The following VWA5B1 variants were observed in gnomAD, a reference collection of about 807,000 sequenced individuals.
VWA5B1 encodes von Willebrand factor A domain-containing protein 5B1.
In VWA5B1, 115 loss-of-function variants were observed where a neutral mutation model predicts 118.2. The observed-to-expected ratio is 0.97, with a 90% CI of 0.84 to 1.14. The LOEUF is 1.14. Ranked by LOEUF, VWA5B1 falls within the 50% of genes most tolerant of loss-of-function variation. VWA5B1 has a pLI of 0.00. For synonymous variants in VWA5B1, 682 were observed against 658.4 expected (o/e 1.04, Z -0.55); for missense variants, 1,596 against 1,603.8 (o/e 1.00, Z 0.08).
intron 12 of VWA5B1, among the ~76,000 whole-genome samples, chr1:20,334,279 C>T (rs2089652807): frequency 6.6e-6 from 1 of 152,188 alleles, no homozygotes; most frequent in Non-Finnish European, 1.5e-5. Context: ...AAACAAAATG[C>T]TGGCCAAGTC....
intron 8 of VWA5B1, among the ~76,000 whole-genome samples, chr1:20,327,280 C>T (rs959653439): frequency 3.3e-5 from 5 of 152,162 alleles, no homozygotes; most frequent in South Asian, 2.1e-4. Context: ...GGGATAAAAG[C>T]GTACCTGCCT....
chr1:20,310,711 A>G lies in VWA5B1; in HGVS notation c.110A>G (p.Tyr37Cys), dbSNP rs575455574. 7.1e-6 allele frequency: 11 copies of G among 1,550,016 alleles called. No individual in the cohort carries two copies. In the East Asian group the frequency reaches 1.5e-4, roughly 21 times the overall value. ...CTGGGCCTAACTGCCTCCCTCACCT[A>G]TGGCAACCTGGAAGCCCAGCCCTTC... is the stretch of plus-strand genomic sequence containing the variant. ...YALGLTASLT[Y>C]GNLEAQPFQG... The change falls in exon 2 of 22, where the codon TAT (tyrosine) becomes TGT (cysteine). Residue 37 changes from tyrosine (Y) to cysteine (C), a missense_variant. By Grantham distance (194) the Tyr-to-Cys change is radical (BLOSUM62 -2). Transcript: ENST00000289815.
Position 20,330,649 on chromosome 1 carries a change from C to T in VWA5B1, c.1458-220C>T, listed in dbSNP as rs72982064. ...CCACAGCCAAGGGAGAGGCTGCTCC[C>T]GCTCTGTGCTGGGTGGGAATTAATG... On this transcript the variant is annotated intron_variant, in intron 10 of 21. Coordinates refer to ENST00000289815, the MANE Select transcript of VWA5B1 (RefSeq NM_001039500.3). Among the ~76,000 whole-genome samples the T allele has an allele frequency of 4.0e-3, 602 of 152,326 alleles. 2 individuals carry two copies. The highest frequency in any genetic ancestry group is 6.1e-3 in the African/African-American group (252 of 41,580).
At chr1:20,322,167 C>T (rs12028237) in intron 7 of VWA5B1, among the ~76,000 whole-genome samples, 20,980 of 152,040 alleles carry the variant, frequency 0.14, 1,912 homozygotes, top group East Asian at 0.52. Flanking sequence ...GGATGGAATG[C>T]GTGGAGTGAG....
Position 20,330,281 on chromosome 1 carries a change from G to GCAC in VWA5B1, c.1358_1360dup (p.His453dup), listed in dbSNP as rs1557855388. 4 of 1,551,818 alleles carry GCAC rather than the reference G, an allele frequency of 2.6e-6. No homozygotes were observed. In the Admixed American group the frequency reaches 5.9e-5, roughly 23 times the overall value. ...TCAAGTGGGTCATCAGGCAGCCAGTGCACCGAGGCCACCCGCGGCTCCTCT... is the reference window on the plus strand; with the variant it reads ...TCAAGTGGGTCATCAGGCAGCCAGTGCACCACCGAGGCCACCCGCGGCTCCTCT... On this transcript the variant is annotated inframe_insertion, in exon 10 of 22. Coordinates refer to ENST00000289815, the MANE Select transcript of VWA5B1 (RefSeq NM_001039500.3).
chr1:20,314,680 G>A (rs769422951), intron 4 of VWA5B1, 88 bp downstream of exon 4: 656 of 1,487,342 alleles, frequency 4.4e-4, no homozygotes, highest in Non-Finnish European at 5.6e-4. Context: ...AGGGTGGGGG[G>A]AGACAGGGAG....
chr1:20,316,546 A>G (rs567806189), intron 4 of VWA5B1, among the ~76,000 whole-genome samples: 168 of 152,254 alleles, frequency 1.1e-3, no homozygotes, highest in Non-Finnish European at 2.0e-3. Context: ...TTTTACAAGG[A>G]TGTGTGCATA....
At chr1:20,330,749 T>C (rs2089526754) in intron 10 of VWA5B1, 120 bp from the exon 11 acceptor site, 1 of 1,006,090 alleles carries the variant, frequency 9.9e-7, no homozygotes, top group Admixed American at 2.0e-5. Context: ...CCTCTCCCTC[T>C]ACCTGAATAT....
intron 4 of VWA5B1, among the ~76,000 whole-genome samples, chr1:20,316,131 A>T (rs540000100): frequency 6.2e-4 from 94 of 152,356 alleles, no homozygotes; most frequent in Non-Finnish European, 1.1e-3. Context: ...TTCAAAAACC[A>T]GATGATGCCA....
intron 4 of VWA5B1, among the ~76,000 whole-genome samples, chr1:20,316,349 A>T (rs987849831): frequency 1.3e-5 from 2 of 152,162 alleles, no homozygotes; most frequent in Non-Finnish European, 2.9e-5. Flanking sequence ...GCTGGGAACA[A>T]CAAGTACAAT....
At chr1:20,346,392 C>G (rs2090008605) in intron 17 of VWA5B1, among the ~76,000 whole-genome samples, 1 of 152,224 alleles carries the variant, frequency 6.6e-6, no homozygotes, top group Admixed American at 6.5e-5. Flanking sequence ...CTCCTTTCTA[C>G]TGTCTCTGAA....
At chr1:20,352,962 C>G (rs1420900657) in intron 21 of VWA5B1, among the ~76,000 whole-genome samples, 3 of 152,066 alleles carry the variant, frequency 2.0e-5, no homozygotes, top group Non-Finnish European at 4.4e-5. Context: ...AGACAAGGAA[C>G]CAGGCAATTC....
intron 1 of VWA5B1, among the ~76,000 whole-genome samples, chr1:20,292,215 T>C (rs1398355138): frequency 6.6e-6 from 1 of 151,748 alleles, no homozygotes; most frequent in Non-Finnish European, 1.5e-5. Context: ...TTTTTTTTTT[T>C]AGACTTAGGA....
chr1:20,334,106 G>A (rs1315387571), intron 12 of VWA5B1, among the ~76,000 whole-genome samples: 1 of 152,224 alleles, frequency 6.6e-6, no homozygotes, highest in Non-Finnish European at 1.5e-5. Flanking sequence ...ATGCAGAAAT[G>A]TGAGCCCTAT....
rs1381113890 is a variant in VWA5B1, at chr1:20,291,359, T to TTCTTTCTTTC, written c.-27+274_-27+275insTTCTTTCTCT. Reference sequence around the variant, plus strand: ...TCTCTCTCTTTCTTTCTTTCTTTCTTTCTCTCTCTCTCTCTCTCTCTCTCT... The same window carrying TTCTTTCTTTC: ...TCTCTCTCTTTCTTTCTTTCTTTCTTTCTTTCTTTCTCTCTCTCTCTCTCTCTCTCTCTCT... On this transcript the variant is annotated intron_variant, in intron 1 of 21. Transcript: ENST00000289815. 1.6e-3 allele frequency among the ~76,000 whole-genome samples: 162 copies of TTCTTTCTTTC among 103,390 alleles called. 1 individual carries two copies. The highest frequency in any genetic ancestry group is 5.2e-3 in the African/African-American group (144 of 27,624). The allele number at this position is 103,390 out of a possible 152,430, so 67.8% of individuals were successfully genotyped here. A position where few individuals can be genotyped will look rare whatever the true frequency, so the allele number is the denominator to read the frequency against.
intron 1 of VWA5B1, among the ~76,000 whole-genome samples, chr1:20,296,729 T>C (rs1325413577): frequency 6.6e-6 from 1 of 152,266 alleles, no homozygotes; most frequent in African/African-American, 2.4e-5. Flanking sequence ...ATATTTTTAG[T>C]CTCATTTCTC....
intron 18 of VWA5B1, among the ~76,000 whole-genome samples, chr1:20,349,508 C>T (rs892163171): frequency 8.6e-5 from 13 of 151,986 alleles, no homozygotes; most frequent in Non-Finnish European, 1.5e-4. Flanking sequence ...CTCAGCCTCC[C>T]GAGTAGCTGA....
At chr1:20,312,121 G>A (rs1032214791) in intron 2 of VWA5B1, among the ~76,000 whole-genome samples, 5 of 152,116 alleles carry the variant, frequency 3.3e-5, no homozygotes, top group Non-Finnish European at 5.9e-5. Flanking sequence ...CCTTAACACT[G>A]TAAATGTGAT....
In VWA5B1 at chr1:20,354,178, CT is replaced by C; in HGVS notation, c.3564del (p.Ala1189ProfsTer29). ...CGCACGCAGGGCACACTCAAGGCCG[CT>C]GCCCGCCAGCTGTTTGTGCTTCTGC... is the stretch of plus-strand genomic sequence containing the variant. The part of the protein sequence containing the change: ...EGRTQGTLKA[A>X]ARQLFVLLRH... On this transcript the variant is annotated frameshift_variant, in exon 22 of 22. Transcript: ENST00000289815. LOFTEE classifies it high-confidence loss of function. 6.4e-7 allele frequency: 1 copy of C among 1,551,336 alleles called. No individual in the cohort carries two copies. The highest frequency in any genetic ancestry group is 8.7e-7 in the Non-Finnish European group (1 of 1,147,002).
Sources: gnomAD v4.1 joint callset for allele counts (sites outside exome capture counted in the v4.1 genomes callset) on GRCh38, gnomAD v4.1.1 for gene constraint, MANE v1.5 for transcripts, NCBI Gene and HGNC (gene_info 2026-07-23, HGNC 2026-07-21) for gene names.